The following DAB1 variants were observed in gnomAD, a reference collection of about 807,000 sequenced individuals.
DAB1 encodes the protein DAB adaptor protein 1.
A neutral mutation model predicts 64.6 loss-of-function variants in DAB1; 15 were observed. The observed-to-expected ratio is 0.23, with a 90% confidence interval of 0.16 to 0.36. The LOEUF (loss-of-function observed/expected upper bound fraction) is 0.36. DAB1 is among the 10% of genes least tolerant of loss of function. The pLI, the probability that DAB1 is intolerant of heterozygous loss-of-function variation, is 1.00. For missense variants in DAB1, 596 were observed against 706.7 expected, an observed-to-expected ratio of 0.84 and a Z score of 1.78; for synonymous variants, 235 against 251.9, an observed-to-expected ratio of 0.93 and a Z score of 0.64.
At chr1:58,010,278 A>C (rs1441034404) in intron 5 of DAB1, among the ~76,000 whole-genome samples, 4 of 152,198 alleles carry the variant, frequency 2.6e-5, no homozygotes, top group African/African-American at 7.2e-5. Flanking sequence ...GTTGGAAAGC[A>C]GCTGCATTCT....
intron 9 of DAB1, among the ~76,000 whole-genome samples, chr1:57,054,041 A>G (rs1214443390): frequency 1.3e-5 from 2 of 152,138 alleles, no homozygotes; most frequent in Non-Finnish European, 2.9e-5. Context: ...CTGACTGGTT[A>G]TTACTGATAA....
At chr1:58,210,580 C>T (rs1428193873) in intron 4 of DAB1, among the ~76,000 whole-genome samples, 1 of 152,188 alleles carries the variant, frequency 6.6e-6, no homozygotes, top group South Asian at 2.1e-4. Flanking sequence ...ATTCCTACTG[C>T]CAGGATGAAG....
chr1:57,342,833 G>A (rs1356694077), intron 1 of DAB1, among the ~76,000 whole-genome samples: 1 of 150,250 alleles, frequency 6.7e-6, no homozygotes, highest in Non-Finnish European at 1.5e-5. Flanking sequence ...GTTCCTCGCG[G>A]TGGGTTCGTG....
rs71051230 is a variant in DAB1 at position 57,439,425 on chromosome 1, C to CTTTT, written n.626-148263_626-148260dup. ...CATCAACTTGGTGATGAGGTTTTTTCTTTTTTTTTTTTTTTTTTTTTTGAG... is the reference window on the plus strand; with the variant it reads ...CATCAACTTGGTGATGAGGTTTTTTCTTTTTTTTTTTTTTTTTTTTTTTTTTGAG... On this transcript the variant is annotated intron_variant and non_coding_transcript_variant, in intron 7 of 20. Coordinates refer to the DAB1 transcript ENST00000485760. 1.9e-4 allele frequency among the ~76,000 whole-genome samples: 19 copies of CTTTT among 97,992 alleles called. 1 individual carries two copies. The highest frequency in any genetic ancestry group is 3.9e-4 in the African/African-American group (8 of 20,610). The allele number at this position is 97,992 out of a possible 152,430, so 64.3% of individuals were successfully genotyped here.
intron 2 of DAB1, among the ~76,000 whole-genome samples, chr1:57,190,019 C>T (rs192030653): frequency 4.6e-5 from 7 of 152,250 alleles, no homozygotes; most frequent in Admixed American, 4.6e-4. Flanking sequence ...TTTGTCCCAG[C>T]TCAATATCTG....
intron 5 of DAB1, among the ~76,000 whole-genome samples, chr1:57,938,768 A>G (rs1308053535): frequency 6.6e-6 from 1 of 151,940 alleles, no homozygotes; most frequent in Non-Finnish European, 1.5e-5. Flanking sequence ...CCCCTTCCCC[A>G]GGCCCCCTGG....
At chr1:57,746,406 T>G (rs1212649622) in intron 6 of DAB1, among the ~76,000 whole-genome samples, 1 of 152,190 alleles carries the variant, frequency 6.6e-6, no homozygotes, top group Non-Finnish European at 1.5e-5. Context: ...ACTAATCTGA[T>G]GGATGAGAAA....
chr1:57,694,532 C>T (rs903725942), intron 6 of DAB1, among the ~76,000 whole-genome samples: 1 of 152,064 alleles, frequency 6.6e-6, no homozygotes. Flanking sequence ...GAAAGGCCCC[C>T]CTTCCCCTAA....
At chr1:58,407,481 T>A (rs1050204299) in intron 3 of DAB1, among the ~76,000 whole-genome samples, 9 of 152,210 alleles carry the variant, frequency 5.9e-5, no homozygotes, top group African/African-American at 2.2e-4. Flanking sequence ...ATTTGCCCCC[T>A]TTCCCCAGGC....
At chr1:57,146,926 A>G (rs1659193734) in intron 2 of DAB1, among the ~76,000 whole-genome samples, 1 of 152,172 alleles carries the variant, frequency 6.6e-6, no homozygotes, top group African/African-American at 2.4e-5. Context: ...ACAATAAAGT[A>G]TCTACCTTAC....
At chr1:57,602,767 A>G (rs2101587443) in intron 7 of DAB1, among the ~76,000 whole-genome samples, 1 of 152,238 alleles carries the variant, frequency 6.6e-6, no homozygotes, top group African/African-American at 2.4e-5. Context: ...AGAGCATTCT[A>G]GATTTGAATG....
intron 1 of DAB1, among the ~76,000 whole-genome samples, chr1:57,291,687 A>C (rs1424245986): frequency 1.3e-5 from 2 of 152,204 alleles, no homozygotes; most frequent in Admixed American, 1.3e-4. Flanking sequence ...GCCAAGAAAC[A>C]TTCCAGCAAG....
chr1:57,761,087 T>C (rs1649066156), intron 6 of DAB1, among the ~76,000 whole-genome samples: 1 of 152,222 alleles, frequency 6.6e-6, no homozygotes, highest in South Asian at 2.1e-4. Flanking sequence ...GATCTATGTG[T>C]TCACATTTAG....
At chr1:58,402,631 G>A (rs891684532) in intron 3 of DAB1, among the ~76,000 whole-genome samples, 10 of 152,020 alleles carry the variant, frequency 6.6e-5, no homozygotes, top group African/African-American at 2.4e-4. Flanking sequence ...TGAAGGGGAA[G>A]AGGAGGGAAA....
chr1:58,500,925 CTCTT>C (rs1361143757), intron 3 of DAB1, among the ~76,000 whole-genome samples: 2 of 152,086 alleles, frequency 1.3e-5, no homozygotes, highest in Admixed American at 6.6e-5. Flanking sequence ...AATAAGGTGT[CTCTT>C]TCAACGACAA....
At chr1:57,822,528 A>G (rs1223645496), downstream of DAB1, among the ~76,000 whole-genome samples, 1 of 152,208 alleles carries the variant, frequency 6.6e-6, no homozygotes, top group Non-Finnish European at 1.5e-5. Flanking sequence ...CTAATAATTT[A>G]CCCTTGTACA....
intron 7 of DAB1, among the ~76,000 whole-genome samples, chr1:57,537,100 CTG>C (rs1184582709): frequency 1.3e-5 from 2 of 152,310 alleles, no homozygotes; most frequent in South Asian, 2.1e-4. Context: ...GTCAGATAGA[CTG>C]TGTTAGATAA....
intron 3 of DAB1, among the ~76,000 whole-genome samples, chr1:58,396,036 T>A (rs1452906907): frequency 6.6e-6 from 1 of 151,288 alleles, no homozygotes; most frequent in African/African-American, 2.4e-5. Context: ...CCACAACCTA[T>A]GCTGGCTACA....
intron 4 of DAB1, among the ~76,000 whole-genome samples, chr1:58,299,936 G>A (rs980494028): frequency 1.3e-5 from 2 of 152,112 alleles, no homozygotes; most frequent in Admixed American, 1.3e-4. Flanking sequence ...AGGGGAGAGT[G>A]GCACAAGCCC....
Sources: allele counts gnomAD v4.1 joint callset (sites outside exome capture counted in the v4.1 genomes callset), GRCh38; gene constraint gnomAD v4.1.1; transcripts MANE v1.5; gene names NCBI Gene and HGNC (gene_info 2026-07-23, HGNC 2026-07-21).